Variants in NUCB2 observed in about 807,000 individuals in gnomAD.
NUCB2 encodes nucleobindin 2, also known as nucleobindin-2.
NUCB2 carries 48 observed loss-of-function variants against 57.9 expected under a neutral mutation model. The ratio of observed to expected loss-of-function variants is 0.83; its 90% CI spans 0.66 to 1.05. The LOEUF (loss-of-function observed/expected upper bound fraction) is 1.05. Among genes scored for constraint, NUCB2 ranks in the 50% least tolerant of loss-of-function variants. The pLI is 0.00. For synonymous variants in NUCB2, 139 were observed against 152.1 expected, an observed-to-expected ratio of 0.91 and a Z score of 0.64; for missense variants, 442 against 476.2, an observed-to-expected ratio of 0.93 and a Z score of 0.67.
rs2138925018 is a variant in NUCB2, at chr11:17,311,299, A to ATTATAAATATAAT, written c.760+16_760+17insTTATAAATATAAT. 6.7e-7 allele frequency: 1 copy of ATTATAAATATAAT among 1,496,818 alleles called. No individual in the cohort carries two copies. Among genetic ancestry groups the ATTATAAATATAAT allele is most frequent in the East Asian group, 2.3e-5 (1 of 44,158 alleles). 92.7% of individuals were successfully genotyped at this position (1,496,818 alleles called of 1,614,324 possible). A position where few individuals can be genotyped will look rare whatever the true frequency, so the allele number is the denominator to read the frequency against. ...AAATTACATGGTAACGATTTGATAC[A>ATTATAAATATAAT]AATATTAATATTTATATCTGCTGCT... On this transcript the variant is annotated intron_variant, in intron 8 of 13. Coordinates refer to ENST00000529010, the MANE Select transcript of NUCB2 (RefSeq NM_005013.4).
intron 3 of NUCB2, 64 bp downstream of exon 3, chr11:17,295,531 A>G (rs1945694131): frequency 5.6e-6 from 7 of 1,259,322 alleles, no homozygotes; most frequent in Non-Finnish European, 8.0e-6. Flanking sequence ...AATTGTAACT[A>G]AATGAGGTGG....
In NUCB2 at chr11:17,296,218, G is replaced by T. The variant is rs773221309; in HGVS notation, c.252+7G>T. ...AGACATAGAGGAAATAAAGGTAAAT[G>T]CAATTCAATAATATATACATATATG... is the stretch of plus-strand genomic sequence containing the variant. On this transcript the variant is annotated splice_region_variant and intron_variant, in intron 4 of 13. Coordinates refer to ENST00000529010, the MANE Select transcript of NUCB2 (RefSeq NM_005013.4). The T allele has an allele frequency of 2.6e-6, 4 of 1,529,120 alleles. No individual in the cohort carries two copies. The highest frequency in any genetic ancestry group is 3.6e-6 in the Non-Finnish European group (4 of 1,108,134). The allele number at this position is 1,529,120 out of a possible 1,614,324, so 94.7% of individuals were successfully genotyped here. A position where few individuals can be genotyped will look rare whatever the true frequency, so the allele number is the denominator to read the frequency against.
At chr11:17,346,424 T>C (rs927582821) in intron 2 of NUCB2, among the ~76,000 whole-genome samples, 1 of 152,172 alleles carries the variant, frequency 6.6e-6, no homozygotes, top group Non-Finnish European at 1.5e-5. Context: ...AGAGAATCCA[T>C]AATGGAAAGG....
intron 11 of NUCB2, among the ~76,000 whole-genome samples, chr11:17,318,906 G>T (rs1425654251): frequency 1.3e-5 from 2 of 152,202 alleles, no homozygotes; most frequent in East Asian, 3.8e-4. Context: ...GCTGGGCACG[G>T]TGGTGCCTAC....
chr11:17,325,057 C>G (rs545624718), intron 11 of NUCB2, among the ~76,000 whole-genome samples: 1 of 152,264 alleles, frequency 6.6e-6, no homozygotes, highest in South Asian at 2.1e-4. Flanking sequence ...CCCACTTCAG[C>G]CTTCCAAAGT....
chr11:17,331,446 G>T lies in NUCB2; in HGVS notation c.*27G>T, dbSNP rs1393089673. 1 of 1,419,424 alleles carries T rather than the reference G, an allele frequency of 7.0e-7. No homozygotes were observed. Among genetic ancestry groups the T allele is most frequent in the Non-Finnish European group, 9.3e-7 (1 of 1,074,820 alleles). 87.9% of individuals were successfully genotyped at this position (1,419,424 alleles called of 1,614,324 possible). Reference sequence around the variant, plus strand: ...GTCTGAAGTCCACCAGAACTTGGAAGAAAGCTGTTAACTCAACATCTATTT... The same window carrying T: ...GTCTGAAGTCCACCAGAACTTGGAATAAAGCTGTTAACTCAACATCTATTT... On this transcript the variant is annotated 3_prime_UTR_variant, in exon 14 of 14. Transcript: ENST00000529010.
intron 10 of NUCB2, among the ~76,000 whole-genome samples, chr11:17,312,907 A>G (rs960231085): frequency 9.9e-5 from 15 of 151,276 alleles, no homozygotes; most frequent in Non-Finnish European, 1.8e-4. Flanking sequence ...GGGTTTCACC[A>G]TGTTTGCCAG....
At chr11:17,280,373 T>A (rs550449964) in intron 1 of NUCB2, among the ~76,000 whole-genome samples, 1 of 152,298 alleles carries the variant, frequency 6.6e-6, no homozygotes, top group South Asian at 2.1e-4. Flanking sequence ...ACTCAGCTGG[T>A]CATACACTTG....
intron 1 of NUCB2, among the ~76,000 whole-genome samples, chr11:17,279,189 T>C (rs1176342966): frequency 6.6e-6 from 1 of 152,080 alleles, no homozygotes. Flanking sequence ...TGAAACTACG[T>C]CTCAAAAACA....
chr11:17,324,493 G>T (rs538197044), intron 11 of NUCB2, among the ~76,000 whole-genome samples: 2 of 152,066 alleles, frequency 1.3e-5, no homozygotes. Context: ...GAGGGCAGTG[G>T]CACTATGTCA....
At chr11:17,293,253 CAAA>C (rs35448937) in intron 2 of NUCB2, among the ~76,000 whole-genome samples, 8 of 105,046 alleles carry the variant, frequency 7.6e-5, no homozygotes, top group East Asian at 2.6e-4. Context: ...GACTCTGTCT[CAAA>C]AAAAAAAAAA....
At chr11:17,342,327 A>G (rs572584023) in intron 2 of NUCB2, among the ~76,000 whole-genome samples, 10 of 151,820 alleles carry the variant, frequency 6.6e-5, no homozygotes, top group Middle Eastern at 3.4e-3. Context: ...TTCTGCTCTG[A>G]TCTTAGTTAT....
At chr11:17,320,649 T>C (rs904915978) in intron 11 of NUCB2, among the ~76,000 whole-genome samples, 2 of 152,106 alleles carry the variant, frequency 1.3e-5, no homozygotes, top group African/African-American at 4.8e-5. Flanking sequence ...AGAGCAAGAC[T>C]CCGTCTCAAA....
At chr11:17,318,845 C>T (rs770615827) in intron 11 of NUCB2, among the ~76,000 whole-genome samples, 2 of 152,062 alleles carry the variant, frequency 1.3e-5, no homozygotes, top group African/African-American at 2.4e-5. Context: ...AAGACTTACG[C>T]CATTTATATT....
At chr11:17,318,375 A>G (rs1041915565) in intron 11 of NUCB2, among the ~76,000 whole-genome samples, 1 of 152,118 alleles carries the variant, frequency 6.6e-6, no homozygotes, top group African/African-American at 2.4e-5. Context: ...TTTTCACATA[A>G]TATTTGTAAG....
At chr11:17,278,067 A>AT (rs958823773) in intron 1 of NUCB2, among the ~76,000 whole-genome samples, 5 of 149,182 alleles carry the variant, frequency 3.4e-5, no homozygotes, top group Admixed American at 6.7e-5. Context: ...AGGGGGTCAA[A>AT]TTTTTTTTTT....
intron 11 of NUCB2, among the ~76,000 whole-genome samples, chr11:17,321,487 T>C (rs1950010710): frequency 6.6e-6 from 1 of 152,196 alleles, no homozygotes; most frequent in Non-Finnish European, 1.5e-5. Flanking sequence ...CACATTTTCT[T>C]CATCCATTCA....
intron 3 of NUCB2, 48 bp from the exon 4 acceptor site, chr11:17,296,056 A>G (rs1006729934): frequency 6.8e-6 from 8 of 1,173,166 alleles, no homozygotes; most frequent in Non-Finnish European, 9.8e-6. Flanking sequence ...TTAGATTCAA[A>G]CAAGGAAAAA....
chr11:17,290,797 A>G (rs770996389), intron 2 of NUCB2, among the ~76,000 whole-genome samples: 174 of 152,322 alleles, frequency 1.1e-3, no homozygotes, highest in Non-Finnish European at 1.7e-3. Context: ...TTGAAAAATT[A>G]TAAGCATGAC....
Sources: gnomAD v4.1 joint callset for allele counts (sites outside exome capture counted in the v4.1 genomes callset) on GRCh38, gnomAD v4.1.1 for gene constraint, MANE v1.5 for transcripts, NCBI Gene and HGNC (gene_info 2026-07-23, HGNC 2026-07-21) for gene names.